Variants in MPHOSPH10 observed in about 807,000 individuals in gnomAD.
The protein encoded by MPHOSPH10 is U3 small nucleolar ribonucleoprotein MPP10.
In MPHOSPH10, 33 loss-of-function variants were observed where a neutral mutation model predicts 77.3. The observed-to-expected ratio is 0.43, with a 90% confidence interval of 0.32 to 0.57. The LOEUF (loss-of-function observed/expected upper bound fraction) is 0.57, where lower values mean the gene tolerates loss of function less well. MPHOSPH10 is among the 20% of genes least tolerant of loss of function. The probability of loss-of-function intolerance (pLI) is 0.07; values close to 1 mark genes in which losing one functional copy is unlikely to be tolerated. For synonymous variants in MPHOSPH10, 245 were observed against 268.0 expected, an observed-to-expected ratio of 0.91 and a Z score of 0.84; for missense variants, 708 against 780.1, an observed-to-expected ratio of 0.91 and a Z score of 1.10.
chr2:71,136,847 C>CTTTT (rs1673500681), intron 4 of MPHOSPH10, among the ~76,000 whole-genome samples: 1 of 109,200 alleles, frequency 9.2e-6, no homozygotes, highest in Admixed American at 9.9e-5. Flanking sequence ...GAACTTTCAA[C>CTTTT]CTTTTTTTTT....
chr2:71,141,989 G>A (rs1443123081), intron 7 of MPHOSPH10, among the ~76,000 whole-genome samples: 1 of 152,068 alleles, frequency 6.6e-6, no homozygotes, highest in Non-Finnish European at 1.5e-5. Context: ...CCCAGATCGC[G>A]CCACTGCTCT....
chr2:71,135,781 C>T (rs1016796999), intron 4 of MPHOSPH10, among the ~76,000 whole-genome samples: 4 of 149,760 alleles, frequency 2.7e-5, no homozygotes, highest in Non-Finnish European at 4.4e-5. Flanking sequence ...TAGCTCACTG[C>T]AACCTCCACC....
intron 6 of MPHOSPH10, among the ~76,000 whole-genome samples, chr2:71,140,398 G>C (rs1673589982): frequency 6.6e-6 from 1 of 152,142 alleles, no homozygotes; most frequent in South Asian, 2.1e-4. Flanking sequence ...TGCTGGCTCA[G>C]GTGTCTCTTG....
At chr2:71,147,510 A>G (rs888712410) in intron 8 of MPHOSPH10, among the ~76,000 whole-genome samples, 2 of 152,060 alleles carry the variant, frequency 1.3e-5, no homozygotes, top group South Asian at 2.1e-4. Context: ...CATCTCTACT[A>G]AAAATACAAA....
intron 8 of MPHOSPH10, 103 bp downstream of exon 8, chr2:71,144,641 G>C: frequency 1.2e-6 from 1 of 850,128 alleles, no homozygotes; most frequent in Non-Finnish European, 1.8e-6. Flanking sequence ...ATACAAACTT[G>C]TAGTTTGCTG....
intron 9 of MPHOSPH10, chr2:71,148,887 G>C: frequency 3.4e-6 from 1 of 294,360 alleles, no homozygotes; most frequent in Admixed American, 4.9e-5. Context: ...CCTCTGGCAT[G>C]TCCCTGAAGC....
At position 71,149,283 on chromosome 2, in the gene MPHOSPH10, C is replaced by T; in HGVS notation, c.1726C>T (p.Arg576Ter). 6.2e-7 allele frequency: 1 copy of T among 1,602,860 alleles called. No homozygotes were observed. Among genetic ancestry groups the T allele is most frequent in the Non-Finnish European group, 8.5e-7 (1 of 1,174,482 alleles). Residue 576 changes from arginine (R) to a stop codon, truncating the protein, a stop_gained, in exon 10 of 11, where the codon CGA becomes TGA. Coordinates refer to ENST00000244230, the MANE Select transcript of MPHOSPH10 (RefSeq NM_005791.3). LOFTEE classifies it high-confidence loss of function. ...AAEKTATDKKRERRKKKYQKR... is the reference protein window; with the variant it reads ...AAEKTATDKK Reference sequence around the variant, plus strand: ...TGAAAAAACAGCTACAGACAAGAAACGAGAGCGAAGGAAAAAGAAATATCA... The same window carrying T: ...TGAAAAAACAGCTACAGACAAGAAATGAGAGCGAAGGAAAAAGAAATATCA...
At chr2:71,135,175 AC>A (rs1673461431) in intron 4 of MPHOSPH10, among the ~76,000 whole-genome samples, 1 of 151,982 alleles carries the variant, frequency 6.6e-6, no homozygotes, top group African/African-American at 2.4e-5. Context: ...AAAACAAAAA[AC>A]CAAAAATCTT....
chr2:71,136,509 T>G (rs1425188302), intron 4 of MPHOSPH10, among the ~76,000 whole-genome samples: 1 of 151,664 alleles, frequency 6.6e-6, no homozygotes, highest in African/African-American at 2.4e-5. Flanking sequence ...AGCTAGAGAC[T>G]GTCTGAAAAA....
chr2:71,138,066 G>A (rs765281525), intron 4 of MPHOSPH10, among the ~76,000 whole-genome samples: 5 of 152,182 alleles, frequency 3.3e-5, no homozygotes, highest in Non-Finnish European at 5.9e-5. Flanking sequence ...CAGCCTAGGC[G>A]ACAGAGCGAG....
At chr2:71,135,965 A>G (rs1356621313) in intron 4 of MPHOSPH10, among the ~76,000 whole-genome samples, 1 of 152,110 alleles carries the variant, frequency 6.6e-6, no homozygotes. Flanking sequence ...TTGGCCTCCC[A>G]AAGTGCTGGG....
At chr2:71,146,290 C>G (rs357747) in intron 8 of MPHOSPH10, among the ~76,000 whole-genome samples, 44,464 of 149,432 alleles carry the variant, frequency 0.3, 6,750 homozygotes, top group Admixed American at 0.39. Context: ...TTCACACCAT[C>G]TCTGTAGACT....
chr2:71,135,507 ACTGGACTCCAGC>A (rs1229207819), intron 4 of MPHOSPH10, among the ~76,000 whole-genome samples: 5 of 151,736 alleles, frequency 3.3e-5, no homozygotes, highest in Non-Finnish European at 7.4e-5. Context: ...AGATGGTGTC[ACTGGACTCCAGC>A]CTGGGCGACA....
Position 71,134,044 on chromosome 2 carries a change from T to G in MPHOSPH10, c.865T>G (p.Ser289Ala). 1 of 1,609,678 alleles carries G rather than the reference T, an allele frequency of 6.2e-7. No homozygotes were observed. Among genetic ancestry groups the G allele is most frequent in the Non-Finnish European group, 8.5e-7 (1 of 1,177,780 alleles). Residue 289 changes from serine to alanine, a missense_variant, in exon 3 of 11, where the codon TCA becomes GCA. Transcript: ENST00000244230. ...AAATGTTCATGATGATGAGCTGGAT[T>G]CAAACAAAGAAGATGATGAAATTGC... ...ITNVHDDELDSNKEDDEIAEE... is the reference protein window; with the variant it reads ...ITNVHDDELDANKEDDEIAEE...
rs746255493 is a variant in MPHOSPH10 at position 71,134,740 on chromosome 2, A to C, written c.1041A>C (p.Leu347Phe). The C allele has an allele frequency of 6.2e-7, 1 of 1,608,724 alleles. No homozygotes were observed. Among genetic ancestry groups the C allele is most frequent in the Non-Finnish European group, 8.5e-7 (1 of 1,177,558 alleles). Residue 347 changes from leucine to phenylalanine, a missense_variant, in exon 4 of 11, where the codon TTA becomes TTC. This residue lies in a region of MPHOSPH10 where 433 missense variants were observed against 432.6 expected (regional missense o/e 1.00). Coordinates refer to ENST00000244230, the MANE Select transcript of MPHOSPH10 (RefSeq NM_005791.3). ...DDAETEDTGV[L>F]NVKKNSDEVK... ...CGGAAACTGAAGATACAGGTGTTTT[A>C]AATGTAAAGAAAAATTCTGATGAAG...
intron 4 of MPHOSPH10, among the ~76,000 whole-genome samples, chr2:71,136,848 C>CCTCTCTTTTTTTTTT (rs1673500771): frequency 8.4e-6 from 1 of 118,646 alleles, no homozygotes; most frequent in Non-Finnish European, 1.7e-5. Context: ...AACTTTCAAC[C>CCTCTCTTTTTTTTTT]TTTTTTTTTT....
chr2:71,149,821 A>G, intron 10 of MPHOSPH10, 45 bp from the exon 11 acceptor site: 2 of 1,487,460 alleles, frequency 1.3e-6, no homozygotes, highest in Non-Finnish European at 1.8e-6. Context: ...TTTTTCACTT[A>G]TAAGTACATT....
intron 8 of MPHOSPH10, among the ~76,000 whole-genome samples, chr2:71,145,576 G>A (rs528725665): frequency 2.3e-4 from 35 of 151,538 alleles, no homozygotes; most frequent in Non-Finnish European, 4.6e-4. Flanking sequence ...GTTCTTGATG[G>A]CAGGAACCAT....
At chr2:71,143,543 A>G (rs912459877) in intron 7 of MPHOSPH10, among the ~76,000 whole-genome samples, 17 of 152,170 alleles carry the variant, frequency 1.1e-4, no homozygotes. Context: ...TTATGTAACT[A>G]CTAGCTCTCT....
Sources: allele counts gnomAD v4.1 joint callset (sites outside exome capture counted in the v4.1 genomes callset), GRCh38; gene constraint gnomAD v4.1.1; regional missense constraint gnomAD v4.1.1; transcripts MANE v1.5; gene names NCBI Gene and HGNC (gene_info 2026-07-23, HGNC 2026-07-21).